Variants in PDE3A observed in about 807,000 individuals in gnomAD.
PDE3A encodes phosphodiesterase 3A.
In PDE3A, 43 loss-of-function variants were observed where a neutral mutation model predicts 98.3. The observed-to-expected ratio is 0.44, with a 90% CI of 0.34 to 0.56. PDE3A has a LOEUF of 0.56. PDE3A is among the 20% of genes least tolerant of loss of function. PDE3A has a pLI of 0.01. For synonymous variants in PDE3A, 663 were observed against 567.9 expected (o/e 1.17, Z -2.38); for missense variants, 1,427 against 1,440.7 (o/e 0.99, Z 0.15).
At chr12:20,641,440 C>G (rs953325137) in intron 10 of PDE3A, among the ~76,000 whole-genome samples, 2 of 151,968 alleles carry the variant, frequency 1.3e-5, no homozygotes, top group African/African-American at 2.4e-5. Context: ...TAAGTGTTCA[C>G]GATTTCTCGA....
At chr12:20,394,199 T>A (rs1943967065) in intron 1 of PDE3A, among the ~76,000 whole-genome samples, 1 of 152,082 alleles carries the variant, frequency 6.6e-6, no homozygotes, top group Admixed American at 6.6e-5. Context: ...CATTGGTCAT[T>A]TAGATTTTAC....
intron 12 of PDE3A, among the ~76,000 whole-genome samples, chr12:20,648,339 CCT>C (rs2121516418): frequency 6.7e-6 from 1 of 150,178 alleles, no homozygotes; most frequent in South Asian, 2.1e-4. Context: ...CTTTCTCCCT[CCT>C]CTTTTCTATT....
intron 1 of PDE3A, among the ~76,000 whole-genome samples, chr12:20,528,351 T>C (rs2121177171): frequency 6.6e-6 from 1 of 152,360 alleles, no homozygotes; most frequent in South Asian, 2.1e-4. Flanking sequence ...TGGTGTTGAA[T>C]AATATATTGT....
At chr12:20,621,460 A>C (rs757876387) in intron 5 of PDE3A, 49 bp downstream of exon 5, 17 of 940,194 alleles carry the variant, frequency 1.8e-5, no homozygotes, top group Non-Finnish European at 3.0e-5. Flanking sequence ...GTGGAGTTCT[A>C]GAGTAAACCA....
chr12:20,518,590 G>A (rs1032233826), intron 1 of PDE3A, among the ~76,000 whole-genome samples: 10 of 151,876 alleles, frequency 6.6e-5, no homozygotes, highest in Non-Finnish European at 1.0e-4. Context: ...TCCTAGTGTT[G>A]GATTGGAGTA....
chr12:20,431,903 T>C (rs1944705574), intron 1 of PDE3A, among the ~76,000 whole-genome samples: 1 of 152,198 alleles, frequency 6.6e-6, no homozygotes, highest in Non-Finnish European at 1.5e-5. Flanking sequence ...TTGCTGAGTA[T>C]TAAGGCAAAA....
Position 20,588,348 on chromosome 12 carries a change from C to T in PDE3A, c.1012-25095C>T, listed in dbSNP as rs1274269185. Among the ~76,000 whole-genome samples, 5 of 152,176 alleles carry T rather than the reference C, an allele frequency of 3.3e-5. No homozygotes were observed. The East Asian group carries it at 9.6e-4, about 29-fold the overall frequency. On this transcript the variant is annotated intron_variant, in intron 2 of 15. Transcript: ENST00000359062. The stretch of plus-strand genomic sequence containing the variant: ...GAGGGCCTTTTGTAGGATGTTGTTA[C>T]TTTAAGTGGCTCTGATAAGGGACAC...
At chr12:20,371,742 C>T (rs1591852827) in intron 1 of PDE3A, among the ~76,000 whole-genome samples, 1 of 152,166 alleles carries the variant, frequency 6.6e-6, no homozygotes, top group East Asian at 1.9e-4. Flanking sequence ...GGAAAACAGG[C>T]CACTGACTGA....
At chr12:20,546,875 T>C (rs1180329167) in intron 1 of PDE3A, among the ~76,000 whole-genome samples, 1 of 152,110 alleles carries the variant, frequency 6.6e-6, no homozygotes, top group Non-Finnish European at 1.5e-5. Context: ...GGTGTATTAG[T>C]ATTTCCCTAG....
chr12:20,631,700 ATTTT>A (rs58133440), intron 6 of PDE3A, among the ~76,000 whole-genome samples: 1 of 116,876 alleles, frequency 8.6e-6, no homozygotes, highest in Non-Finnish European at 1.8e-5. Context: ...ATCATAGTGT[ATTTT>A]TTTTTTTTTT....
At chr12:20,612,126 C>T (rs1202570162) in intron 2 of PDE3A, among the ~76,000 whole-genome samples, 2 of 151,752 alleles carry the variant, frequency 1.3e-5, no homozygotes, top group African/African-American at 2.4e-5. Flanking sequence ...CCTCACTACT[C>T]GTTTACCCAA....
chr12:20,549,322 GA>G (rs530836831), intron 1 of PDE3A, among the ~76,000 whole-genome samples: 23 of 149,246 alleles, frequency 1.5e-4, no homozygotes, highest in Non-Finnish European at 3.0e-4. Context: ...CTAGTGGCCA[GA>G]ATGCTGTAAT....
chr12:20,593,966 A>G (rs1203676138), intron 2 of PDE3A, among the ~76,000 whole-genome samples: 5 of 151,984 alleles, frequency 3.3e-5, no homozygotes, highest in Non-Finnish European at 7.4e-5. Flanking sequence ...CCAGAAGAAG[A>G]GGAGATGGCT....
chr12:20,408,643 T>C (rs1159118961), intron 1 of PDE3A, among the ~76,000 whole-genome samples: 1 of 152,192 alleles, frequency 6.6e-6, no homozygotes, highest in Non-Finnish European at 1.5e-5. Context: ...ATTTTTTCCT[T>C]TCAGAGCTTT....
intron 1 of PDE3A, among the ~76,000 whole-genome samples, chr12:20,553,233 G>T (rs1942266748): frequency 7.8e-6 from 1 of 127,858 alleles, no homozygotes; most frequent in Non-Finnish European, 1.6e-5. Context: ...TCAGTATTGT[G>T]TTTAGTTCTT....
At chr12:20,529,880 A>C (rs917864662) in intron 1 of PDE3A, among the ~76,000 whole-genome samples, 6 of 152,220 alleles carry the variant, frequency 3.9e-5, no homozygotes, top group Non-Finnish European at 7.4e-5. Flanking sequence ...CAAGGTAGTC[A>C]AGTCTGGAAC....
At chr12:20,379,025 T>C (rs1326040967) in intron 1 of PDE3A, among the ~76,000 whole-genome samples, 2 of 151,812 alleles carry the variant, frequency 1.3e-5, no homozygotes, top group Admixed American at 1.3e-4. Context: ...AATAGGATTT[T>C]AGTAAAAATT....
At chr12:20,596,606 C>T (rs1360049565) in intron 2 of PDE3A, among the ~76,000 whole-genome samples, 1 of 152,142 alleles carries the variant, frequency 6.6e-6, no homozygotes, top group African/African-American at 2.4e-5. Flanking sequence ...CAAGAATCCA[C>T]AAGTTTTTCC....
intron 15 of PDE3A, among the ~76,000 whole-genome samples, chr12:20,664,088 C>T (rs10743388): frequency 6.6e-6 from 1 of 151,776 alleles, no homozygotes; most frequent in African/African-American, 2.4e-5. Flanking sequence ...TGGCACTTCT[C>T]TCTTCCTGCC....
Sources: allele counts gnomAD v4.1 joint callset (sites outside exome capture counted in the v4.1 genomes callset), GRCh38; gene constraint gnomAD v4.1.1; transcripts MANE v1.5; gene names NCBI Gene and HGNC (gene_info 2026-07-23, HGNC 2026-07-21).